The following MDGA2 variants were observed in gnomAD, a reference collection of about 807,000 sequenced individuals.
MDGA2 encodes the protein MAM domain-containing glycosylphosphatidylinositol anchor protein 2.
In MDGA2, 40 loss-of-function variants were observed where a neutral mutation model predicts 117.8. The ratio of observed to expected loss-of-function variants is 0.34; its 90% CI spans 0.26 to 0.44. The LOEUF (loss-of-function observed/expected upper bound fraction) is 0.44, where lower values mean the gene tolerates loss of function less well. MDGA2 is among the 20% of genes least tolerant of loss of function. The pLI is 1.00. For missense variants in MDGA2, 1,123 were observed against 1,250.6 expected (o/e 0.90, Z 1.54); for synonymous variants, 452 against 439.0 (o/e 1.03, Z -0.37).
intron 1 of MDGA2, among the ~76,000 whole-genome samples, chr14:47,656,790 T>C (rs984567171): frequency 2.8e-4 from 43 of 152,184 alleles, no homozygotes; most frequent in African/African-American, 1.0e-3. Flanking sequence ...TCTCCAATTC[T>C]ACAAGTCCTC....
chr14:47,480,758 A>G (rs1238757715), intron 1 of MDGA2, among the ~76,000 whole-genome samples: 1 of 151,894 alleles, frequency 6.6e-6, no homozygotes, highest in East Asian at 1.9e-4. Context: ...ATTCAGCAAA[A>G]TATTTTTGTG....
At chr14:47,416,665 G>C (rs1172169299) in intron 1 of MDGA2, among the ~76,000 whole-genome samples, 1 of 152,144 alleles carries the variant, frequency 6.6e-6, no homozygotes, top group Non-Finnish European at 1.5e-5. Context: ...TTGAAATCTA[G>C]GTGGAGGTAG....
At chr14:47,130,144 G>A (rs1294193804) in intron 5 of MDGA2, among the ~76,000 whole-genome samples, 1 of 151,800 alleles carries the variant, frequency 6.6e-6, no homozygotes, top group African/African-American at 2.4e-5. Flanking sequence ...TGCTTCTGGT[G>A]TTTTAGACAT....
intron 1 of MDGA2, among the ~76,000 whole-genome samples, chr14:47,494,918 G>A (rs540145580): frequency 1.3e-5 from 2 of 148,576 alleles, no homozygotes; most frequent in African/African-American, 4.9e-5. Context: ...GTGTATATGT[G>A]TATATATATA....
rs1895275643 is a variant in MDGA2 at position 47,538,724 on chromosome 14, A to C, written c.280+135793T>G. 1.3e-5 allele frequency among the ~76,000 whole-genome samples: 2 copies of C among 151,902 alleles called. 1 individual carries two copies. Among genetic ancestry groups the C allele is most frequent in the South Asian group, 4.2e-4 (2 of 4,808 alleles). On this transcript the variant is annotated intron_variant, in intron 1 of 16. Coordinates refer to ENST00000399232, the MANE Select transcript of MDGA2 (RefSeq NM_001113498.3). ...TCTTTTTCTCTCTCTCTCCCACTGA[A>C]CTCTAAGATATTTGAAAGGTAAAAA...
In MDGA2 at chr14:47,009,561, A is replaced by G. The variant is rs114311694; in HGVS notation, c.1819+25450T>C. Among the ~76,000 whole-genome samples the G allele has an allele frequency of 2.5e-3, 386 of 152,212 alleles. 4 individuals carry two copies. Among genetic ancestry groups the G allele is most frequent in the African/African-American group, 8.8e-3 (367 of 41,560 alleles). ...TCAGCAATACAAACTCAAAGGGGAA[A>G]AAGGCAGATCTATAGCAACTAGGAT... On this transcript the variant is annotated intron_variant, in intron 8 of 16. Transcript: ENST00000399232.
chr14:47,318,810 G>C (rs12890620), intron 1 of MDGA2, among the ~76,000 whole-genome samples: 33,525 of 149,958 alleles, frequency 0.22, 4,479 homozygotes, highest in East Asian at 0.44. Context: ...AGGGAGGAAA[G>C]AAGGAAGGAA....
chr14:47,016,765 T>A (rs1594530385), intron 8 of MDGA2, among the ~76,000 whole-genome samples: 1 of 152,110 alleles, frequency 6.6e-6, no homozygotes, highest in East Asian at 1.9e-4. Flanking sequence ...TAAATATATA[T>A]TCATAATCAA....
chr14:47,336,751 G>C (rs1890471463), intron 1 of MDGA2, among the ~76,000 whole-genome samples: 1 of 151,854 alleles, frequency 6.6e-6, no homozygotes, highest in African/African-American at 2.4e-5. Context: ...CACATGGTAT[G>C]CTTCTTTAAT....
intron 1 of MDGA2, among the ~76,000 whole-genome samples, chr14:47,505,495 AT>A (rs1275618132): frequency 6.6e-6 from 1 of 152,126 alleles, no homozygotes; most frequent in Non-Finnish European, 1.5e-5. Context: ...GTGTCAAAAT[AT>A]TTTTTTAAAA....
intron 2 of MDGA2, among the ~76,000 whole-genome samples, chr14:47,267,574 C>T (rs1267597106): frequency 6.6e-6 from 1 of 151,844 alleles, no homozygotes; most frequent in African/African-American, 2.4e-5. Context: ...TTTAATTTTT[C>T]CATTATTTTC....
At chr14:46,870,603 C>T (rs1015032589) in intron 14 of MDGA2, among the ~76,000 whole-genome samples, 21 of 151,848 alleles carry the variant, frequency 1.4e-4, no homozygotes, top group African/African-American at 5.1e-4. Flanking sequence ...CTGAGAGGAA[C>T]TCAAGTAATA....
intron 3 of MDGA2, among the ~76,000 whole-genome samples, chr14:47,188,655 G>A (rs1202799180): frequency 6.6e-6 from 1 of 152,142 alleles, no homozygotes; most frequent in Non-Finnish European, 1.5e-5. Context: ...TAATAAATAA[G>A]ATTCTCTTCT....
chr14:47,097,972 A>C (rs550030935), intron 5 of MDGA2, among the ~76,000 whole-genome samples: 42 of 152,096 alleles, frequency 2.8e-4, no homozygotes, highest in African/African-American at 9.1e-4. Flanking sequence ...AACTTTCTTC[A>C]CATATAGCAC....
chr14:47,333,166 G>A (rs1022223254), intron 1 of MDGA2, among the ~76,000 whole-genome samples: 13 of 151,832 alleles, frequency 8.6e-5, no homozygotes, highest in African/African-American at 3.1e-4. Context: ...CCACTAGGGG[G>A]ATTGCTAGAT....
intron 3 of MDGA2, among the ~76,000 whole-genome samples, chr14:47,171,822 G>A (rs543040466): frequency 2.0e-4 from 31 of 152,264 alleles, no homozygotes; most frequent in Middle Eastern, 3.4e-3. Context: ...CACACCATGC[G>A]CGAGCTGAAG....
chr14:46,864,881 G>A (rs1276518749), intron 14 of MDGA2, among the ~76,000 whole-genome samples: 1 of 151,884 alleles, frequency 6.6e-6, no homozygotes, highest in African/African-American at 2.4e-5. Flanking sequence ...ACTTAATTCT[G>A]AGAATTTATC....
chr14:47,610,707 T>A (rs1432520783), intron 1 of MDGA2, among the ~76,000 whole-genome samples: 2 of 151,834 alleles, frequency 1.3e-5, no homozygotes, highest in East Asian at 1.9e-4. Context: ...TGGAAACACA[T>A]CCCATGCTCA....
intron 1 of MDGA2, among the ~76,000 whole-genome samples, chr14:47,482,175 G>A (rs954228921): frequency 1.3e-5 from 2 of 151,926 alleles, no homozygotes; most frequent in Admixed American, 6.6e-5. Flanking sequence ...CAAATAAGGA[G>A]GCTTTAGCTC....
Sources: allele counts gnomAD v4.1 joint callset (sites outside exome capture counted in the v4.1 genomes callset), GRCh38; gene constraint gnomAD v4.1.1; transcripts MANE v1.5; gene names NCBI Gene and HGNC (gene_info 2026-07-23, HGNC 2026-07-21).